GATA6: variants seen among roughly 807,000 people sequenced by gnomAD.
GATA6 encodes the protein transcription factor GATA-6.
A neutral mutation model predicts 48.1 loss-of-function variants in GATA6; 11 were observed. The ratio of observed to expected loss-of-function variants is 0.23; its 90% CI spans 0.14 to 0.38. GATA6 has a LOEUF of 0.38. Ranked by LOEUF, GATA6 falls within the 10% of genes least tolerant of loss-of-function variation. The pLI, the probability that GATA6 is intolerant of heterozygous loss-of-function variation, is 1.00. For missense variants in GATA6, 795 were observed against 850.3 expected, an observed-to-expected ratio of 0.93 and a Z score of 0.81; for synonymous variants, 419 against 396.1, an observed-to-expected ratio of 1.06 and a Z score of -0.69.
rs1473003349 is a variant in GATA6, at chr18:22,171,239, C to T, written c.95C>T (p.Pro32Leu). 10 of 1,598,866 alleles carry T rather than the reference C, an allele frequency of 6.3e-6. No homozygotes were observed. The highest frequency in any genetic ancestry group is 4.5e-5 in the East Asian group (2 of 44,808). ...TCCAGAGCCTTTCCAGCGCGGGAGC[C>T]CTCCACGCCGCCTTCCCCCATCTCT... is the stretch of plus-strand genomic sequence containing the variant. Reference protein sequence around the residue: ...SDSRAFPAREPSTPPSPISSS... With the variant: ...SDSRAFPARELSTPPSPISSS... Residue 32 changes from proline (P) to leucine (L), a missense_variant, in exon 2 of 7, where the codon CCC (proline) becomes CTC (leucine). Pro to Leu is a moderately conservative substitution (Grantham distance 98, BLOSUM62 -3). This residue lies in a region of GATA6 where 591 missense variants were observed against 570.0 expected (regional missense o/e 1.04). Transcript: ENST00000269216. The surrounding 1 kb of genome is among the most constrained non-coding windows in gnomAD (Gnocchi z 7.1).
In GATA6 at chr18:22,170,878, A is replaced by C; in HGVS notation, c.-37-230A>C. The stretch of plus-strand genomic sequence containing the variant: ...GCGGTGCCTTTGAGGGAGGGCTGGT[A>C]TCCCAGCCCTTCCAGGGCCCTGTGG... On this transcript the variant is annotated intron_variant, in intron 1 of 6. Coordinates refer to ENST00000269216, the MANE Select transcript of GATA6 (RefSeq NM_005257.6). The surrounding 1 kb of genome is among the most constrained non-coding windows in gnomAD (Gnocchi z 6.7). The C allele has an allele frequency of 1.9e-6, 1 of 537,800 alleles. No individual in the cohort carries two copies. The highest frequency in any genetic ancestry group is 3.3e-6 in the Non-Finnish European group (1 of 301,330). 33.3% of individuals were successfully genotyped at this position (537,800 alleles called of 1,614,324 possible). A position where few individuals can be genotyped will look rare whatever the true frequency, so the allele number is the denominator to read the frequency against.
In GATA6 at chr18:22,201,156, C is replaced by T; in HGVS notation, c.*333C>T. 1 of 337,664 alleles carries T rather than the reference C, an allele frequency of 3.0e-6. No homozygotes were observed. The highest frequency in any genetic ancestry group is 5.5e-6 in the Non-Finnish European group (1 of 180,892). 20.9% of individuals were successfully genotyped at this position (337,664 alleles called of 1,614,324 possible). On this transcript the variant is annotated 3_prime_UTR_variant, in exon 7 of 7. Transcript: ENST00000269216. The stretch of plus-strand genomic sequence containing the variant: ...TTTAAAAAAGATTTTGCATTTTGTC[C>T]AAAATCATGTGCTTCTTCTGATCAA...
At chr18:22,177,889 T>G (rs1288949496) in intron 3 of GATA6, among the ~76,000 whole-genome samples, 1 of 151,520 alleles carries the variant, frequency 6.6e-6, no homozygotes, top group African/African-American at 2.4e-5. Flanking sequence ...TGAGTAAAAG[T>G]GTGGTTTGTA....
At chr18:22,183,176 G>A in intron 6 of GATA6, 133 bp downstream of exon 6, 1 of 735,398 alleles carries the variant, frequency 1.4e-6, no homozygotes. Context: ...CCTAAGAATA[G>A]TTTTTAGAGG....
In GATA6 at chr18:22,190,524, G is replaced by A. The variant is rs184758333; in HGVS notation, c.1620+7481G>A. The stretch of plus-strand genomic sequence containing the variant: ...TGCCTGTTTTTTTTTTCAGTCTATC[G>A]TCCAAAACACTCTTTTCTAAATGAG... On this transcript the variant is annotated intron_variant, in intron 6 of 6. Coordinates refer to ENST00000269216, the MANE Select transcript of GATA6 (RefSeq NM_005257.6). Among the ~76,000 whole-genome samples the A allele has an allele frequency of 9.3e-5, 14 of 151,244 alleles. No individual in the cohort carries two copies. The East Asian group carries it at 1.4e-3, about 15-fold the overall frequency.
At chr18:22,182,349 C>CT (rs34089081) in intron 4 of GATA6, among the ~76,000 whole-genome samples, 4,117 of 134,090 alleles carry the variant, frequency 0.031, 90 homozygotes, top group African/African-American at 0.049. Flanking sequence ...ATGCCAAGTT[C>CT]TTTTTTTTTT....
In GATA6 at chr18:22,170,841, G is replaced by T; in HGVS notation, c.-37-267G>T. Reference sequence around the variant, plus strand: ...GGCCGAGGGGGTGGGCGGGGAGGACGCGGGGACCGGAGCGGTGCCTTTGAG... The same window carrying T: ...GGCCGAGGGGGTGGGCGGGGAGGACTCGGGGACCGGAGCGGTGCCTTTGAG... On this transcript the variant is annotated intron_variant, in intron 1 of 6. Transcript: ENST00000269216. This position sits in a 1 kb window ranked among gnomAD's most constrained non-coding sequence, Gnocchi z 6.7. 2.1e-6 allele frequency: 1 copy of T among 485,920 alleles called. No homozygotes were observed. Among genetic ancestry groups the T allele is most frequent in the African/African-American group, 2.0e-5 (1 of 50,752 alleles). 30.1% of individuals were successfully genotyped at this position (485,920 alleles called of 1,614,324 possible).
chr18:22,171,027 TG>T lies in GATA6; in HGVS notation c.-37-79del. On this transcript the variant is annotated intron_variant, in intron 1 of 6. Coordinates refer to ENST00000269216, the MANE Select transcript of GATA6 (RefSeq NM_005257.6). This position sits in a 1 kb window ranked among gnomAD's most constrained non-coding sequence, Gnocchi z 7.1. Reference sequence around the variant, plus strand: ...ATCCCATTTGAACTAGAAAAAGGAGTGGAGGCGAGGTAGCGTGCAGCCTACG... The same window carrying T: ...ATCCCATTTGAACTAGAAAAAGGAGTGAGGCGAGGTAGCGTGCAGCCTACG... The T allele has an allele frequency of 2.5e-6, 2 of 808,896 alleles. No individual in the cohort carries two copies. The highest frequency in any genetic ancestry group is 1.7e-5 in the African/African-American group (1 of 59,020). 50.1% of individuals were successfully genotyped at this position (808,896 alleles called of 1,614,324 possible). A position where few individuals can be genotyped will look rare whatever the true frequency, so the allele number is the denominator to read the frequency against.
Position 22,177,944 on chromosome 18 carries a change from G to GTTTTTTTTTTTTTTTTTTTTTT in GATA6, c.1302+830_1302+831insTTTTTTTTTTTTTTTTTTTTTT, listed in dbSNP as rs979067151. ...TTCCCCAATTCGCACACGTTTTACT[G>GTTTTTTTTTTTTTTTTTTTTTT]TTTTTTTGTTTTTTTTTTTTTTTTT... is the stretch of plus-strand genomic sequence containing the variant. On this transcript the variant is annotated intron_variant, in intron 3 of 6. Transcript: ENST00000269216. Among the ~76,000 whole-genome samples, 13 of 77,864 alleles carry GTTTTTTTTTTTTTTTTTTTTTT rather than the reference G, an allele frequency of 1.7e-4. 4 individuals carry two copies. The highest frequency in any genetic ancestry group is 8.2e-4 in the African/African-American group (13 of 15,886). 51.1% of individuals were successfully genotyped at this position (77,864 alleles called of 152,430 possible). A position where few individuals can be genotyped will look rare whatever the true frequency, so the allele number is the denominator to read the frequency against.
In GATA6 at chr18:22,181,468, C is replaced by G. The variant is rs1449453208; in HGVS notation, c.1318C>G (p.Leu440Val). 6.2e-7 allele frequency: 1 copy of G among 1,614,078 alleles called. No individual in the cohort carries two copies. The highest frequency in any genetic ancestry group is 1.3e-5 in the African/African-American group (1 of 74,930). ...PQKRVPSSRR[L>V]GLSCANCHTT... Reference sequence around the variant, plus strand: ...CTGTTTCTAGCCTTCATCACGGCGGCTTGGATTGTCCTGTGCCAACTGTCA... The same window carrying G: ...CTGTTTCTAGCCTTCATCACGGCGGGTTGGATTGTCCTGTGCCAACTGTCA... The change falls in exon 4 of 7, where the codon CTT becomes GTT. Residue 440 changes from leucine to valine, a missense_variant. This residue lies in a region of GATA6 where 76 missense variants were observed against 113.1 expected (regional missense o/e 0.67). Transcript: ENST00000269216.
chr18:22,198,539 C>A (rs1417040384), intron 6 of GATA6, among the ~76,000 whole-genome samples: 4 of 152,186 alleles, frequency 2.6e-5, no homozygotes, highest in Non-Finnish European at 5.9e-5. Flanking sequence ...GAGGCATATG[C>A]TGATGTGCCT....
At position 22,171,525 on chromosome 18, in the gene GATA6, G is replaced by A; in HGVS notation, c.381G>A (p.Leu127=). 1.4e-5 allele frequency: 22 copies of A among 1,603,918 alleles called. No homozygotes were observed. Among genetic ancestry groups the A allele is most frequent in the Non-Finnish European group, 1.7e-5 (20 of 1,179,644 alleles). ...ACCAAGCCGCGACCGCCAGCAAGCT[G>A]CTGTGGTCCAGCCGCGGCGCCAAGC... is the stretch of plus-strand genomic sequence containing the variant. The part of the protein sequence containing the change: ...DLDQAATASK[L]LWSSRGAKLS... The change falls in exon 2 of 7, where the codon CTG becomes CTA. Residue 127 remains leucine, a synonymous_variant. Coordinates refer to ENST00000269216, the MANE Select transcript of GATA6 (RefSeq NM_005257.6). The surrounding 1 kb of genome is among the most constrained non-coding windows in gnomAD (Gnocchi z 7.1).
At chr18:22,173,884 C>T (rs2033088226) in intron 2 of GATA6, among the ~76,000 whole-genome samples, 1 of 152,264 alleles carries the variant, frequency 6.6e-6, no homozygotes, top group Admixed American at 6.5e-5. Context: ...ATCCATTCGC[C>T]TCAGCCTCCC....
chr18:22,175,468 CTTGT>C (rs932629450), intron 2 of GATA6: 6 of 152,148 alleles, frequency 3.9e-5, no homozygotes, highest in Non-Finnish European at 8.8e-5. Context: ...AGACAAATAC[CTTGT>C]TTAACTTCAG....
intron 2 of GATA6, among the ~76,000 whole-genome samples, chr18:22,174,728 A>AT (rs35173458): frequency 0.017 from 2,438 of 143,230 alleles, 73 homozygotes; most frequent in African/African-American, 0.052. Flanking sequence ...TGTTTCTTAG[A>AT]TTTTTTTTTT....
At position 22,202,190 on chromosome 18, in the gene GATA6, G is replaced by A. The variant is rs2033471765; in HGVS notation, c.*1367G>A. 1 of 152,098 alleles carries A rather than the reference G, an allele frequency of 6.6e-6. No individual in the cohort carries two copies. Among genetic ancestry groups the A allele is most frequent in the African/African-American group, 2.4e-5 (1 of 41,410 alleles). The allele number at this position is 152,098 out of a possible 1,614,324, so 9.4% of individuals were successfully genotyped here. The stretch of plus-strand genomic sequence containing the variant: ...TAGTTACTACTCTCCATGTGCATTG[G>A]GGACAGTTTTTATAAGTGGGAAGGA... On this transcript the variant is annotated 3_prime_UTR_variant, in exon 7 of 7. Coordinates refer to ENST00000269216, the MANE Select transcript of GATA6 (RefSeq NM_005257.6).
At position 22,171,314 on chromosome 18, in the gene GATA6, C is replaced by G; in HGVS notation, c.170C>G (p.Ala57Gly). The G allele has an allele frequency of 6.3e-7, 1 of 1,589,002 alleles. No homozygotes were observed. Among genetic ancestry groups the G allele is most frequent in the Non-Finnish European group, 8.5e-7 (1 of 1,174,366 alleles). ...GGCGGAGAGCGGGGCCCCGGCGGCGCCAGCAACTGCGGGACGCCTCAGCTC... is the reference window on the plus strand; with the variant it reads ...GGCGGAGAGCGGGGCCCCGGCGGCGGCAGCAACTGCGGGACGCCTCAGCTC... ...SRGGERGPGGASNCGTPQLDT... is the reference protein window; with the variant it reads ...SRGGERGPGGGSNCGTPQLDT... Residue 57 changes from alanine (A) to glycine (G), a missense_variant, in exon 2 of 7, where the codon GCC becomes GGC. By Grantham distance (60) the Ala-to-Gly change is moderately conservative. Coordinates refer to ENST00000269216, the MANE Select transcript of GATA6 (RefSeq NM_005257.6). This position sits in a 1 kb window ranked among gnomAD's most constrained non-coding sequence, Gnocchi z 7.1.
chr18:22,195,332 T>G (rs61520509), intron 6 of GATA6, among the ~76,000 whole-genome samples: 5,761 of 152,242 alleles, frequency 0.038, 233 homozygotes, highest in African/African-American at 0.089. Flanking sequence ...CCCGCCCTCC[T>G]GTTAGTGCCT....
intron 6 of GATA6, among the ~76,000 whole-genome samples, chr18:22,183,270 T>C (rs1473607341): frequency 6.6e-6 from 1 of 152,240 alleles, no homozygotes; most frequent in Non-Finnish European, 1.5e-5. Flanking sequence ...TTTTTTATGG[T>C]TAAATTAACC....
Sources: allele counts gnomAD v4.1 joint callset (sites outside exome capture counted in the v4.1 genomes callset), GRCh38; gene constraint gnomAD v4.1.1; regional missense constraint gnomAD v4.1.1; non-coding constraint Gnocchi (gnomAD v3.1); transcripts MANE v1.5; gene names NCBI Gene and HGNC (gene_info 2026-07-23, HGNC 2026-07-21).